Variants in PDE8B observed in about 807,000 individuals in gnomAD.
PDE8B encodes the protein phosphodiesterase 8B, also known as high affinity cAMP-specific and IBMX-insensitive 3',5'-cyclic phosphodiesterase 8B.
Under a neutral mutation model 101.3 loss-of-function variants are expected in PDE8B, and 26 were observed. The observed-to-expected ratio is 0.26, with a 90% CI of 0.19 to 0.36. The LOEUF (loss-of-function observed/expected upper bound fraction) is 0.36. Ranked by LOEUF, PDE8B falls within the 10% of genes least tolerant of loss-of-function variation. PDE8B has a pLI of 1.00. For synonymous variants in PDE8B, 424 were observed against 429.3 expected (o/e 0.99, Z 0.15); for missense variants, 810 against 1,163.1 (o/e 0.70, Z 4.42).
intron 1 of PDE8B, among the ~76,000 whole-genome samples, chr5:77,274,185 C>A (rs1382922472): frequency 6.6e-6 from 1 of 152,054 alleles, no homozygotes; most frequent in African/African-American, 2.4e-5. Flanking sequence ...TTAATGAATG[C>A]AAATGTTTAG....
chr5:77,308,292 G>A (rs1771719792), intron 1 of PDE8B, among the ~76,000 whole-genome samples: 1 of 152,176 alleles, frequency 6.6e-6, no homozygotes, highest in Non-Finnish European at 1.5e-5. Flanking sequence ...GAGACACAAA[G>A]CAAAGTGTGG....
chr5:77,209,226 A>C (rs1298914047), upstream of PDE8B, among the ~76,000 whole-genome samples: 3 of 152,214 alleles, frequency 2.0e-5, no homozygotes, highest in Admixed American at 2.0e-4. Context: ...AGGTAGAAGA[A>C]TAAGGTTAGA....
intron 20 of PDE8B, among the ~76,000 whole-genome samples, chr5:77,424,345 G>A (rs1797429503): frequency 6.6e-6 from 1 of 152,206 alleles, no homozygotes. Context: ...AAAAAGCAAT[G>A]TACTAATGTT....
chr5:77,374,153 C>T (rs1200669526), intron 10 of PDE8B, among the ~76,000 whole-genome samples: 1 of 152,092 alleles, frequency 6.6e-6, no homozygotes, highest in Non-Finnish European at 1.5e-5. Flanking sequence ...TTGGCTGATA[C>T]TCTCTATCTT....
chr5:77,284,786 C>T (rs1029854375), intron 1 of PDE8B, among the ~76,000 whole-genome samples: 2 of 152,076 alleles, frequency 1.3e-5, no homozygotes, highest in East Asian at 1.9e-4. Flanking sequence ...AGAAATAATC[C>T]ATCTTATTGG....
rs1204740023 is a variant in PDE8B, at chr5:77,211,210, C to T, written c.285C>T (p.Arg95=). 7.0e-6 allele frequency: 11 copies of T among 1,570,064 alleles called. No homozygotes were observed. Among genetic ancestry groups the T allele is most frequent in the Non-Finnish European group, 9.4e-6 (11 of 1,166,506 alleles). Residue 95 remains arginine, a synonymous_variant, in exon 1 of 22, where the codon CGC becomes CGT. Transcript: ENST00000264917. This position sits in a 1 kb window ranked among gnomAD's most constrained non-coding sequence, Gnocchi z 4.1. ...CGACCACCAGCAGGGGCCGGAGGCG[C>T]CACTGCTGCAGCAGCGCCGAGGCCG... The part of the protein sequence containing the change: ...PAATTSRGRR[R]HCCSSAEAET...
At chr5:77,318,055 CAAAAAAAAAAA>C (rs55952764) in intron 2 of PDE8B, among the ~76,000 whole-genome samples, 1 of 57,190 alleles carries the variant, frequency 1.7e-5, no homozygotes, top group Non-Finnish European at 3.2e-5. Context: ...GACTCCATCT[CAAAAAAAAAAA>C]AAAAAAAAAA....
intron 1 of PDE8B, chr5:77,291,182 G>A (rs1767241767): frequency 3.7e-6 from 6 of 1,610,752 alleles, no homozygotes; most frequent in South Asian, 3.3e-5. Context: ...GTACCACTGC[G>A]AGGCGACTGT....
chr5:77,402,360 A>C (rs1792464829), intron 11 of PDE8B, among the ~76,000 whole-genome samples: 1 of 152,168 alleles, frequency 6.6e-6, no homozygotes, highest in South Asian at 2.1e-4. Context: ...TAAATATTTT[A>C]AGTTAGATTA....
rs146940306 is a variant in PDE8B, at chr5:77,400,249, T to C, written c.1169T>C (p.Ile390Thr). 1 of 1,597,442 alleles carries C rather than the reference T, an allele frequency of 6.3e-7. No individual in the cohort carries two copies. The highest frequency in any genetic ancestry group is 2.2e-5 in the East Asian group (1 of 44,792). ...LCCTTDNNKQ[I>T]HKIHRDSGDN... Reference sequence around the variant, plus strand: ...TATCAAACTTTTGAACGACTTTAGATTCACAAGATTCATCGTGATTCAGGA... The same window carrying C: ...TATCAAACTTTTGAACGACTTTAGACTCACAAGATTCATCGTGATTCAGGA... Residue 390 changes from isoleucine (I) to threonine (T), a missense_variant and splice_region_variant, in exon 11 of 22, where the codon ATT (isoleucine) becomes ACT (threonine). By Grantham distance (89) the Ile-to-Thr change is moderately conservative. This residue lies in a region of PDE8B where 75 missense variants were observed against 76.9 expected (regional missense o/e 0.98). Transcript: ENST00000264917.
chr5:77,410,130 G>A (rs1024276415), intron 14 of PDE8B, among the ~76,000 whole-genome samples: 1 of 152,246 alleles, frequency 6.6e-6, no homozygotes, highest in Non-Finnish European at 1.5e-5. Context: ...GCCTCGCCCA[G>A]GAAATAATTC....
chr5:77,158,786 C>T, the PDE8B span, among the ~76,000 whole-genome samples: 6 of 152,260 alleles, frequency 3.9e-5, no homozygotes, highest in South Asian at 2.1e-4. Flanking sequence ...TGTGATCCCG[C>T]GGCAGGGAAG....
chr5:77,362,586 T>C (rs1783314183), intron 10 of PDE8B, among the ~76,000 whole-genome samples: 1 of 152,252 alleles, frequency 6.6e-6, no homozygotes, highest in Admixed American at 6.5e-5. Context: ...TTGACTACTA[T>C]CCTATCTGGT....
intron 1 of PDE8B, among the ~76,000 whole-genome samples, chr5:77,291,998 T>TAA (rs962335348): frequency 6.4e-5 from 9 of 141,364 alleles, no homozygotes; most frequent in African/African-American, 1.0e-4. Flanking sequence ...GTTACAACAT[T>TAA]AAAAAAAAAA....
intron 10 of PDE8B, among the ~76,000 whole-genome samples, chr5:77,377,666 C>A (rs1033658317): frequency 1.2e-4 from 19 of 152,186 alleles, no homozygotes; most frequent in Admixed American, 2.0e-4. Context: ...CCCAAAGAGA[C>A]TGGCATTTGA....
At chr5:77,099,543 C>G in the PDE8B span, among the ~76,000 whole-genome samples, 2 of 152,126 alleles carry the variant, frequency 1.3e-5, no homozygotes, top group African/African-American at 2.4e-5. Context: ...AGCTGCTGTG[C>G]AGAGGACAGC....
chr5:77,343,548 G>A (rs2150381903), intron 6 of PDE8B, among the ~76,000 whole-genome samples: 1 of 152,314 alleles, frequency 6.6e-6, no homozygotes, highest in East Asian at 1.9e-4. Flanking sequence ...CATGAATGGA[G>A]CTTGCAGGAC....
rs546119905 is a variant in PDE8B at position 77,368,495 on chromosome 5, A to T, written c.1167+15089A>T. 3.3e-5 allele frequency among the ~76,000 whole-genome samples: 5 copies of T among 152,180 alleles called. 1 individual carries two copies. The East Asian group carries it at 9.7e-4, about 29-fold the overall frequency. On this transcript the variant is annotated intron_variant, in intron 10 of 21. Coordinates refer to ENST00000264917, the MANE Select transcript of PDE8B (RefSeq NM_003719.5). ...TCTAGAAGTCTGGTCCCTCTCATGGAATGTTCCCTTCACGATAGCTTACTG... is the reference window on the plus strand; with the variant it reads ...TCTAGAAGTCTGGTCCCTCTCATGGTATGTTCCCTTCACGATAGCTTACTG...
chr5:77,412,641 C>CA, intron 16 of PDE8B, among the ~76,000 whole-genome samples: 1 of 151,518 alleles, frequency 6.6e-6, no homozygotes, highest in Non-Finnish European at 1.5e-5. Context: ...AAGGCTGTTT[C>CA]TTCCCAGAGG....
Sources: gnomAD v4.1 joint callset for allele counts (sites outside exome capture counted in the v4.1 genomes callset) on GRCh38, gnomAD v4.1.1 for gene constraint, gnomAD v4.1.1 regional missense constraint, Gnocchi (gnomAD v3.1) non-coding constraint, MANE v1.5 for transcripts, NCBI Gene and HGNC (gene_info 2026-07-23, HGNC 2026-07-21) for gene names.